Variants in SLCO1A2 observed in about 807,000 individuals in gnomAD.
SLCO1A2 encodes solute carrier organic anion transporter family member 1A2.
Under a neutral mutation model 69.0 loss-of-function variants are expected in SLCO1A2, and 67 were observed. That is an observed-to-expected ratio of 0.97 (90% CI 0.80 to 1.19). The LOEUF (loss-of-function observed/expected upper bound fraction) is 1.19. Among genes scored for constraint, SLCO1A2 ranks in the 50% most tolerant of loss-of-function variants. The pLI is 0.00. For missense variants in SLCO1A2, 787 were observed against 793.7 expected (o/e 0.99, Z 0.10); for synonymous variants, 260 against 265.9 (o/e 0.98, Z 0.22).
rs571038337 is a variant in SLCO1A2 at position 21,267,962 on chromosome 12, T to C, written c.*1586A>G. On this transcript the variant is annotated 3_prime_UTR_variant, in exon 15 of 15. Coordinates refer to ENST00000683939, the MANE Select transcript of SLCO1A2 (RefSeq NM_001386879.1). ...CCTCTCTCTTGTTTCAAAGCCAGTC[T>C]TGGTTTGAACCTTGGTTATTTTTTA... 16 of 152,248 alleles carry C rather than the reference T, an allele frequency of 1.1e-4. No individual in the cohort carries two copies. The highest frequency in any genetic ancestry group is 3.8e-4 in the African/African-American group (16 of 41,572). The allele number at this position is 152,248 out of a possible 1,614,324, so 9.4% of individuals were successfully genotyped here.
intron 2 of SLCO1A2, among the ~76,000 whole-genome samples, chr12:21,328,372 G>T (rs1952395527): frequency 6.6e-6 from 1 of 152,098 alleles, no homozygotes; most frequent in African/African-American, 2.4e-5. Context: ...TTACAAATGA[G>T]AATAACTTAA....
intron 1 of SLCO1A2, among the ~76,000 whole-genome samples, chr12:21,407,988 G>A (rs1028190967): frequency 6.6e-6 from 1 of 152,058 alleles, no homozygotes; most frequent in African/African-American, 2.4e-5. Context: ...AACATATTTG[G>A]GAGAGAGCCT....
intron 1 of SLCO1A2, among the ~76,000 whole-genome samples, chr12:21,410,138 T>C (rs564919397): frequency 5.7e-4 from 87 of 152,316 alleles, no homozygotes; most frequent in African/African-American, 1.9e-3. Context: ...AGAGTCTGGC[T>C]TCCCCCACTA....
At chr12:21,386,277 T>TA (rs1467061821) in intron 1 of SLCO1A2, among the ~76,000 whole-genome samples, 9 of 152,202 alleles carry the variant, frequency 5.9e-5, no homozygotes, top group African/African-American at 2.2e-4. Flanking sequence ...ATTTATATAT[T>TA]AAAAAAACAA....
Position 21,295,741 on chromosome 12 carries a change from A to G in SLCO1A2, c.1127T>C (p.Ile376Thr). The change falls in exon 10 of 15, where the codon ATT becomes ACT. Residue 376 changes from isoleucine to threonine, a missense_variant. Physicochemically the swap from Ile to Thr is moderately conservative, Grantham distance 89. Coordinates refer to ENST00000683939, the MANE Select transcript of SLCO1A2 (RefSeq NM_001386879.1). ...ICIGYIIGGL[I>T]MKKFKITVKQ... Reference sequence around the variant, plus strand: ...GACAGTAATCTTGAACTTCTTCATAATTAAACCACCAATTATATATCCAAT... The same window carrying G: ...GACAGTAATCTTGAACTTCTTCATAGTTAAACCACCAATTATATATCCAAT... The G allele has an allele frequency of 6.2e-7, 1 of 1,603,796 alleles. No individual in the cohort carries two copies. Among genetic ancestry groups the G allele is most frequent in the Non-Finnish European group, 8.5e-7 (1 of 1,170,856 alleles).
chr12:21,407,460 G>A (rs1941839194), intron 1 of SLCO1A2, among the ~76,000 whole-genome samples: 1 of 152,176 alleles, frequency 6.6e-6, no homozygotes, highest in Non-Finnish European at 1.5e-5. Flanking sequence ...GGAATCCATA[G>A]GAGGGTGTGA....
At chr12:21,352,876 T>C (rs1938071546) in intron 2 of SLCO1A2, among the ~76,000 whole-genome samples, 1 of 152,352 alleles carries the variant, frequency 6.6e-6, no homozygotes, top group African/African-American at 2.4e-5. Context: ...CTTGGCCAGT[T>C]TGTCCCACTC....
At chr12:21,277,893 C>G (rs1335108292) in intron 12 of SLCO1A2, among the ~76,000 whole-genome samples, 1 of 152,088 alleles carries the variant, frequency 6.6e-6, no homozygotes, top group Admixed American at 6.6e-5. Context: ...TATTCTGTGG[C>G]CCAGTGTGGG....
chr12:21,307,038 A>C, intron 4 of SLCO1A2, 50 bp from the exon 5 acceptor site: 6 of 1,201,314 alleles, frequency 5.0e-6, no homozygotes, highest in Non-Finnish European at 7.4e-6. Context: ...TAATGAGGAC[A>C]ATGTGGGCAA....
intron 2 of SLCO1A2, among the ~76,000 whole-genome samples, chr12:21,320,508 G>A (rs929162187): frequency 6.6e-6 from 1 of 151,356 alleles, no homozygotes; most frequent in Non-Finnish European, 1.5e-5. Flanking sequence ...GTGTTGTTTT[G>A]TTTTGTTTGA....
At chr12:21,270,406 T>A (rs1004362684) in intron 14 of SLCO1A2, among the ~76,000 whole-genome samples, 1 of 151,774 alleles carries the variant, frequency 6.6e-6, no homozygotes, top group Non-Finnish European at 1.5e-5. Flanking sequence ...ATTTATCAAT[T>A]TTTATGTAGA....
upstream of SLCO1A2, among the ~76,000 whole-genome samples, chr12:21,397,605 T>G (rs1321977289): frequency 6.6e-6 from 1 of 151,984 alleles, no homozygotes; most frequent in South Asian, 2.1e-4. Flanking sequence ...TATTCCTAAA[T>G]TGACCACATA....
At chr12:21,291,724 A>G (rs1009116419) in intron 12 of SLCO1A2, among the ~76,000 whole-genome samples, 10 of 152,188 alleles carry the variant, frequency 6.6e-5, no homozygotes, top group African/African-American at 2.2e-4. Context: ...TTATTATTAA[A>G]GAAAAATGGA....
rs1173676264 is a variant in SLCO1A2, at chr12:21,297,403, C to A, written c.1075+1G>T. ...AGTAAGGCAGAGAAAAACAAACATA[C>A]CCATTAGAAAGATTGCATCTGAAGA... On this transcript the variant is annotated splice_donor_variant, in intron 9 of 14. Transcript: ENST00000683939. LOFTEE classifies it high-confidence loss of function. 4 of 1,607,346 alleles carry A rather than the reference C, an allele frequency of 2.5e-6. No individual in the cohort carries two copies. Among genetic ancestry groups the A allele is most frequent in the Middle Eastern group, 1.7e-4 (1 of 6,032 alleles).
intron 1 of SLCO1A2, among the ~76,000 whole-genome samples, chr12:21,388,575 G>T (rs1941003495): frequency 6.6e-6 from 1 of 152,046 alleles, no homozygotes; most frequent in Non-Finnish European, 1.5e-5. Flanking sequence ...GGAACTATGA[G>T]TCCCTTAAAT....
intron 12 of SLCO1A2, among the ~76,000 whole-genome samples, chr12:21,284,137 T>C (rs1005182493): frequency 2.6e-5 from 4 of 152,142 alleles, no homozygotes; most frequent in African/African-American, 9.7e-5. Context: ...TGCAGCACTA[T>C]TCACAATAGT....
At chr12:21,365,222 G>T (rs1939277907) in intron 2 of SLCO1A2, among the ~76,000 whole-genome samples, 1 of 152,122 alleles carries the variant, frequency 6.6e-6, no homozygotes, top group Admixed American at 6.5e-5. Context: ...GAACAGAATA[G>T]AGCCCTCAGA....
intron 1 of SLCO1A2, among the ~76,000 whole-genome samples, chr12:21,390,354 T>C (rs1941091484): frequency 6.6e-6 from 1 of 152,096 alleles, no homozygotes; most frequent in African/African-American, 2.4e-5. Context: ...AAACAGTGTC[T>C]AATGTCCACA....
chr12:21,411,644 A>G (rs978173458), intron 1 of SLCO1A2, among the ~76,000 whole-genome samples: 2 of 152,066 alleles, frequency 1.3e-5, no homozygotes, highest in Non-Finnish European at 2.9e-5. Context: ...CGTTACTTAC[A>G]TTGAAGCTAC....
Sources: allele counts gnomAD v4.1 joint callset (sites outside exome capture counted in the v4.1 genomes callset), GRCh38; gene constraint gnomAD v4.1.1; transcripts MANE v1.5; gene names NCBI Gene and HGNC (gene_info 2026-07-23, HGNC 2026-07-21).